The following OR2T10 variants were observed in gnomAD, a reference collection of about 807,000 sequenced individuals.
OR2T10 encodes olfactory receptor 2T10.
For missense variants in OR2T10, 335 were observed against 382.5 expected (o/e 0.88, Z 1.04); for synonymous variants, 125 against 141.8 (o/e 0.88, Z 0.84).
intron 1 of OR2T10, among the ~76,000 whole-genome samples, chr1:248,596,145 G>T (rs1276901226): frequency 7.0e-6 from 1 of 143,604 alleles, no homozygotes. Context: ...GGAAGTAGGC[G>T]CAAAAGGGGT....
At position 248,593,134 on chromosome 1, in the gene OR2T10, G is replaced by A. The variant is rs755113821; in HGVS notation, c.635C>T (p.Thr212Met). 67 of 1,572,734 alleles carry A rather than the reference G, an allele frequency of 4.3e-5. 6 individuals carry two copies. The highest frequency in any genetic ancestry group is 2.1e-4 in the Admixed American group (12 of 58,364). ...ATAGTAGTAAGACACTGAAATGACCGTCACAGGTATCAGGAGCATGATGAC... is the reference window on the plus strand; with the variant it reads ...ATAGTAGTAAGACACTGAAATGACCATCACAGGTATCAGGAGCATGATGAC... ...CCVIMLLIPV[T>M]VISVSYYYII... The change falls in exon 2 of 2, where the codon ACG becomes ATG. Residue 212 changes from threonine to methionine, a missense_variant. Thr to Met is a moderately conservative substitution (Grantham distance 81). Transcript: ENST00000642090.
rs1469724805 is a variant in OR2T10 at position 248,592,297 on chromosome 1, T to A, written c.*533A>T. ...TTATCTCCAAATGCCTATGGATGAATGAACCCCCTTGTCCCTGAGGATCCC... is the reference window on the plus strand; with the variant it reads ...TTATCTCCAAATGCCTATGGATGAAAGAACCCCCTTGTCCCTGAGGATCCC... On this transcript the variant is annotated 3_prime_UTR_variant, in exon 2 of 2. Coordinates refer to ENST00000642090, the MANE Select transcript of OR2T10 (RefSeq NM_001004693.2). 6.9e-6 allele frequency: 1 copy of A among 144,672 alleles called. No individual in the cohort carries two copies. The highest frequency in any genetic ancestry group is 1.5e-5 in the Non-Finnish European group (1 of 66,840). 9.0% of individuals were successfully genotyped at this position (144,672 alleles called of 1,614,324 possible). A position where few individuals can be genotyped will look rare whatever the true frequency, so the allele number is the denominator to read the frequency against.
In OR2T10 at chr1:248,591,516, A is replaced by G. The variant is rs1445247869; in HGVS notation, c.*1314T>C. The G allele has an allele frequency of 6.9e-6, 1 of 144,210 alleles. No individual in the cohort carries two copies. 8.9% of individuals were successfully genotyped at this position (144,210 alleles called of 1,614,324 possible). A position where few individuals can be genotyped will look rare whatever the true frequency, so the allele number is the denominator to read the frequency against. ...TGAATGACTTGGGGCCTAAAGGAAGATTATGTAGTCATGGAAAGTTATCTT... is the reference window on the plus strand; with the variant it reads ...TGAATGACTTGGGGCCTAAAGGAAGGTTATGTAGTCATGGAAAGTTATCTT... On this transcript the variant is annotated 3_prime_UTR_variant, in exon 2 of 2. Coordinates refer to ENST00000642090, the MANE Select transcript of OR2T10 (RefSeq NM_001004693.2).
chr1:248,595,023 T>C, intron 1 of OR2T10: 1 of 143,526 alleles, frequency 7.0e-6, no homozygotes, highest in Admixed American at 6.8e-5. Context: ...ATAACTATCT[T>C]CAGATCATCC....
Position 248,591,951 on chromosome 1 carries a change from TAAATAC to T in OR2T10, c.*873_*878del, listed in dbSNP as rs1660012063. On this transcript the variant is annotated 3_prime_UTR_variant, in exon 2 of 2. Transcript: ENST00000642090. ...ACGTTATAATTATTATGTTATTTGTTAAATACAAATACAACCATGCACATACGTAAA... is the reference window on the plus strand; with the variant it reads ...ACGTTATAATTATTATGTTATTTGTTAAATACAACCATGCACATACGTAAA... The T allele has an allele frequency of 1.4e-5, 2 of 144,186 alleles. No individual in the cohort carries two copies. Among genetic ancestry groups the T allele is most frequent in the Non-Finnish European group, 3.0e-5 (2 of 66,454 alleles). 8.9% of individuals were successfully genotyped at this position (144,186 alleles called of 1,614,324 possible). A position where few individuals can be genotyped will look rare whatever the true frequency, so the allele number is the denominator to read the frequency against.
chr1:248,593,631 T>A lies in OR2T10; in HGVS notation c.138A>T (p.Ile46=), dbSNP rs767497208. 2 of 1,562,172 alleles carry A rather than the reference T, an allele frequency of 1.3e-6. No homozygotes were observed. The highest frequency in any genetic ancestry group is 1.7e-6 in the Non-Finnish European group (2 of 1,149,868). ...GAGAGGAGTCAATGTGGATCAGAAG[T>A]ATCAATGTAATATTCCAAGACACAG... ...LMAVSWNITL[I]LLIHIDSSLH... The change falls in exon 2 of 2, where the codon ATA becomes ATT. Residue 46 remains isoleucine, a synonymous_variant. Transcript: ENST00000642090.
Position 248,590,715 on chromosome 1 carries a change from AT to A in OR2T10, c.*2114del, listed in dbSNP as rs1006714229. ...AAATATAAAAATCTATCATTTTTTC[AT>A]TTTATAAACTTGTTTTGGCGTTTAC... On this transcript the variant is annotated 3_prime_UTR_variant, in exon 2 of 2. Coordinates refer to ENST00000642090, the MANE Select transcript of OR2T10 (RefSeq NM_001004693.2). 3.5e-5 allele frequency: 5 copies of A among 142,442 alleles called. 1 individual carries two copies. The highest frequency in any genetic ancestry group is 1.4e-4 in the African/African-American group (5 of 36,086). The allele number at this position is 142,442 out of a possible 1,614,324, so 8.8% of individuals were successfully genotyped here.
chr1:248,594,366 T>C (rs1379374204), intron 1 of OR2T10, among the ~76,000 whole-genome samples: 3 of 143,774 alleles, frequency 2.1e-5, no homozygotes, highest in Admixed American at 6.8e-5. Flanking sequence ...CGTTACAAAT[T>C]TAGTCAAATT....
chr1:248,593,404 C>T lies in OR2T10; in HGVS notation c.365G>A (p.Arg122His), dbSNP rs199699557. 2.0e-5 allele frequency: 31 copies of T among 1,571,874 alleles called. 1 individual carries two copies. Among genetic ancestry groups the T allele is most frequent in the Middle Eastern group, 1.7e-4 (1 of 5,994 alleles). ...CCLLAAMAYD[R>H]YVAICHPLRY... ...GAGAGGATGGCAGATAGCCACATAG[C>T]GGTCATAGGCCATGGCGGCTAGAAG... is the stretch of plus-strand genomic sequence containing the variant. Residue 122 changes from arginine (R) to histidine (H), a missense_variant, in exon 2 of 2, where the codon CGC becomes CAC. By Grantham distance (29) the Arg-to-His change is conservative. Coordinates refer to ENST00000642090, the MANE Select transcript of OR2T10 (RefSeq NM_001004693.2).
rs777409407 is a variant in OR2T10, at chr1:248,592,887, A to G, written c.882T>C (p.Asn294=). ...TTTTCAAAGCCCTTGTGACATCCTTATTCCTGAAACTGTAAATGATAGGAT... is the reference window on the plus strand; with the variant it reads ...TTTTCAAAGCCCTTGTGACATCCTTGTTCCTGAAACTGTAAATGATAGGAT... ...VLNPIIYSFR[N]KDVTRALKKM... The change falls in exon 2 of 2, where the codon AAT becomes AAC. Residue 294 remains asparagine, a synonymous_variant. Coordinates refer to ENST00000642090, the MANE Select transcript of OR2T10 (RefSeq NM_001004693.2). 1.3e-6 allele frequency: 2 copies of G among 1,568,434 alleles called. No homozygotes were observed. The highest frequency in any genetic ancestry group is 1.7e-6 in the Non-Finnish European group (2 of 1,153,320).
Position 248,594,298 on chromosome 1 carries a change from T to C in OR2T10, c.-28-502A>G, listed in dbSNP as rs181464516. ...AATTTTTCAATACTTAAAAGCAATA[T>C]ATTAAGCCACCAGTAATTGTAAACA... On this transcript the variant is annotated intron_variant, in intron 1 of 1. Transcript: ENST00000642090. Among the ~76,000 whole-genome samples, 886 of 143,624 alleles carry C rather than the reference T, an allele frequency of 6.2e-3. 125 individuals are homozygous for C. Among genetic ancestry groups the C allele is most frequent in the Non-Finnish European group, 9.7e-3 (644 of 66,326 alleles). The allele number at this position is 143,624 out of a possible 152,430, so 94.2% of individuals were successfully genotyped here.
Position 248,592,683 on chromosome 1 carries a change from T to C in OR2T10, c.*147A>G, listed in dbSNP as rs149524106. ...GTGAACATCATCTCAAGTGTGATTA[T>C]AGGAGGGAAGAACACTGGGCTGAAT... On this transcript the variant is annotated 3_prime_UTR_variant, in exon 2 of 2. Transcript: ENST00000642090. The C allele has an allele frequency of 2.0e-4, 110 of 539,756 alleles. 16 individuals carry two copies. The African/African-American group carries it at 2.2e-3, about 11-fold the overall frequency. The allele number at this position is 539,756 out of a possible 1,614,324, so 33.4% of individuals were successfully genotyped here.
Position 248,594,129 on chromosome 1 carries a change from C to T in OR2T10, c.-28-333G>A, listed in dbSNP as rs1213827264. On this transcript the variant is annotated intron_variant, in intron 1 of 1. Transcript: ENST00000642090. ...CTTATAGTTGCATGTTCCTGTATTG[C>T]CCAAATCCCATTCCCATGGGATTTT... Among the ~76,000 whole-genome samples, 5 of 142,732 alleles carry T rather than the reference C, an allele frequency of 3.5e-5. 1 individual carries two copies. The highest frequency in any genetic ancestry group is 1.4e-4 in the African/African-American group (5 of 36,116). 93.6% of individuals were successfully genotyped at this position (142,732 alleles called of 152,430 possible).
chr1:248,592,626 G>A lies in OR2T10; in HGVS notation c.*204C>T. On this transcript the variant is annotated 3_prime_UTR_variant, in exon 2 of 2. Coordinates refer to ENST00000642090, the MANE Select transcript of OR2T10 (RefSeq NM_001004693.2). Reference sequence around the variant, plus strand: ...CCATTGGCCCCGAAGGACTGGACTAGAGATCAATGCTACGAGGGAAGGGGG... The same window carrying A: ...CCATTGGCCCCGAAGGACTGGACTAAAGATCAATGCTACGAGGGAAGGGGG... 2.3e-6 allele frequency: 1 copy of A among 443,108 alleles called. No homozygotes were observed. The highest frequency in any genetic ancestry group is 4.0e-6 in the Non-Finnish European group (1 of 250,956). 27.4% of individuals were successfully genotyped at this position (443,108 alleles called of 1,614,324 possible).
chr1:248,593,671 C>A lies in OR2T10; in HGVS notation c.98G>T (p.Ser33Ile). The A allele has an allele frequency of 1.3e-6, 2 of 1,560,400 alleles. No individual in the cohort carries two copies. Among genetic ancestry groups the A allele is most frequent in the East Asian group, 2.3e-5 (1 of 43,434 alleles). ...HPGRLCLLIF[S>I]IFLMAVSWNI... ...CCAAGACACAGCCATCAAAAATATACTGAAGATAAGCAAGCAGAGGCGGCC... is the reference window on the plus strand; with the variant it reads ...CCAAGACACAGCCATCAAAAATATAATGAAGATAAGCAAGCAGAGGCGGCC... Residue 33 changes from serine to isoleucine, a missense_variant, in exon 2 of 2, where the codon AGT becomes ATT. Transcript: ENST00000642090.
intron 1 of OR2T10, among the ~76,000 whole-genome samples, chr1:248,596,081 C>A (rs1660085458): frequency 7.0e-6 from 1 of 143,534 alleles, no homozygotes; most frequent in African/African-American, 2.7e-5. Flanking sequence ...ACACATGTGC[C>A]AAATTGAATG....
Position 248,594,138 on chromosome 1 carries a change from C to CA in OR2T10, c.-28-343dup, listed in dbSNP as rs1488631217. Among the ~76,000 whole-genome samples the CA allele has an allele frequency of 7.0e-5, 10 of 142,892 alleles. 1 individual carries two copies. Among genetic ancestry groups the CA allele is most frequent in the Non-Finnish European group, 1.4e-4 (9 of 66,190 alleles). The allele number at this position is 142,892 out of a possible 152,430, so 93.7% of individuals were successfully genotyped here. ...GCATGTTCCTGTATTGCCCAAATCC[C>CA]ATTCCCATGGGATTTTACAGAGCTA... On this transcript the variant is annotated intron_variant, in intron 1 of 1. Coordinates refer to ENST00000642090, the MANE Select transcript of OR2T10 (RefSeq NM_001004693.2).
At chr1:248,596,885 C>T (rs1412340132) in intron 1 of OR2T10, among the ~76,000 whole-genome samples, 1 of 142,154 alleles carries the variant, frequency 7.0e-6, no homozygotes, top group African/African-American at 2.8e-5. Flanking sequence ...CCTCTATCAA[C>T]CATCTCCCAC....
intron 1 of OR2T10, chr1:248,594,878 T>G (rs1318276076): frequency 7.0e-6 from 1 of 143,342 alleles, no homozygotes; most frequent in African/African-American, 2.8e-5. Flanking sequence ...TAAGGTTTCT[T>G]CTCCCAGTGG....
Sources: allele counts gnomAD v4.1 joint callset (sites outside exome capture counted in the v4.1 genomes callset), GRCh38; gene constraint gnomAD v4.1.1; transcripts MANE v1.5; gene names NCBI Gene and HGNC (gene_info 2026-07-23, HGNC 2026-07-21).